The following MMD2 variants were observed in gnomAD, a reference collection of about 807,000 sequenced individuals.
MMD2 encodes monocyte to macrophage differentiation factor 2.
In MMD2, 30 loss-of-function variants were observed where a neutral mutation model predicts 33.5. The observed-to-expected ratio is 0.90, with a 90% CI of 0.67 to 1.22. MMD2 has a LOEUF of 1.22. Ranked by LOEUF, MMD2 falls within the 50% of genes most tolerant of loss-of-function variation. MMD2 has a pLI of 0.00. For missense variants in MMD2, 364 were observed against 325.4 expected, an observed-to-expected ratio of 1.12 and a Z score of -0.91; for synonymous variants, 129 against 123.0, an observed-to-expected ratio of 1.05 and a Z score of -0.32.
At chr7:4,901,513 G>T (rs2115075986), downstream of MMD2, among the ~76,000 whole-genome samples, 1 of 152,290 alleles carries the variant, frequency 6.6e-6, no homozygotes, top group East Asian at 1.9e-4. Context: ...AGCACTTGTG[G>T]ATCATAATCT....
the MMD2 span, among the ~76,000 whole-genome samples, chr7:4,898,479 T>C: frequency 6.6e-6 from 1 of 152,078 alleles, no homozygotes; most frequent in Admixed American, 6.6e-5. Context: ...AACAATGACA[T>C]AAGATGGGAT....
At chr7:4,957,809 G>A (rs1727841109) in intron 1 of MMD2, among the ~76,000 whole-genome samples, 1 of 152,290 alleles carries the variant, frequency 6.6e-6, no homozygotes, top group African/African-American at 2.4e-5. Context: ...GGGGGAAACA[G>A]AGGGTGAGAC....
intron 1 of MMD2, among the ~76,000 whole-genome samples, chr7:4,931,458 A>T (rs1785584650): frequency 1.4e-5 from 2 of 147,484 alleles, no homozygotes; most frequent in South Asian, 4.3e-4. Flanking sequence ...TGGCCTCTTT[A>T]CCTTTTTCTT....
At chr7:4,931,128 G>T (rs193016784) in intron 1 of MMD2, among the ~76,000 whole-genome samples, 6 of 152,290 alleles carry the variant, frequency 3.9e-5, no homozygotes, top group Non-Finnish European at 7.3e-5. Flanking sequence ...CGGGGTTACA[G>T]GCGTGAGCCA....
chr7:4,942,915 CCCA>C (rs1785950283), intron 1 of MMD2, among the ~76,000 whole-genome samples: 1 of 151,642 alleles, frequency 6.6e-6, no homozygotes, highest in East Asian at 1.9e-4. Flanking sequence ...CGCGCCAGGC[CCCA>C]TCCTGTCTAT....
At chr7:4,893,314 A>G in the MMD2 span, among the ~76,000 whole-genome samples, 1 of 152,056 alleles carries the variant, frequency 6.6e-6, no homozygotes, top group Non-Finnish European at 1.5e-5. Context: ...ACTACTCCAT[A>G]GGCAGAGCAT....
At chr7:4,944,258 G>A (rs566536539) in intron 1 of MMD2, among the ~76,000 whole-genome samples, 1 of 151,598 alleles carries the variant, frequency 6.6e-6, no homozygotes, top group Non-Finnish European at 1.5e-5. Context: ...CTGGGCAACA[G>A]AGCAAGAAAA....
chr7:4,957,305 A>C (rs944842316), intron 1 of MMD2, among the ~76,000 whole-genome samples: 1 of 151,850 alleles, frequency 6.6e-6, no homozygotes, highest in African/African-American at 2.4e-5. Context: ...TGATTGTGCC[A>C]CTGCACTCCA....
chr7:4,894,801 T>C, the MMD2 span, among the ~76,000 whole-genome samples: 1 of 152,092 alleles, frequency 6.6e-6, no homozygotes, highest in Non-Finnish European at 1.5e-5. This position sits in a 1 kb window ranked among gnomAD's most constrained non-coding sequence, Gnocchi z 4.3. Flanking sequence ...CCCTGCCCTC[T>C]AGGCACCCAG....
In MMD2 at chr7:4,948,173, T is replaced by C. The variant is rs10227720; in HGVS notation, c.47+10798A>G. Among the ~76,000 whole-genome samples, 489 of 152,156 alleles carry C rather than the reference T, an allele frequency of 3.2e-3. 2 individuals are homozygous for C. The highest frequency in any genetic ancestry group is 0.011 in the African/African-American group (457 of 41,516). ...TAGGAGATTGGGGCAGAGACACAGA[T>C]CCAAACCATATCAAACTCTATACAA... On this transcript the variant is annotated intron_variant, in intron 1 of 6. Coordinates refer to ENST00000401401, the MANE Select transcript of MMD2 (RefSeq NM_198403.4).
chr7:4,924,154 T>C (rs915242897), intron 2 of MMD2, among the ~76,000 whole-genome samples: 1 of 152,086 alleles, frequency 6.6e-6, no homozygotes, highest in Non-Finnish European at 1.5e-5. Context: ...ATCGCACCAC[T>C]GCACTCCAGC....
At position 4,906,323 on chromosome 7, in the gene MMD2, A is replaced by T. The variant is rs1279304357; in HGVS notation, c.*1073T>A. ...CAGCCTTGTTGTTGGGCTACTGAGC[A>T]CTTCAGAGGTTGGGAGGACCTGGAA... On this transcript the variant is annotated 3_prime_UTR_variant, in exon 7 of 7. Coordinates refer to ENST00000401401, the MANE Select transcript of MMD2 (RefSeq NM_198403.4). The T allele has an allele frequency of 2.5e-6, 1 of 394,764 alleles. No homozygotes were observed. Among genetic ancestry groups the T allele is most frequent in the African/African-American group, 2.1e-5 (1 of 48,560 alleles). The allele number at this position is 394,764 out of a possible 1,614,324, so 24.5% of individuals were successfully genotyped here.
At chr7:4,910,317 C>T (rs968730011) in intron 5 of MMD2, among the ~76,000 whole-genome samples, 5 of 152,158 alleles carry the variant, frequency 3.3e-5, no homozygotes, top group African/African-American at 1.2e-4. Flanking sequence ...CCCAAGCAGC[C>T]ACTTCCAATT....
chr7:4,934,527 G>T (rs1785684746), intron 1 of MMD2, among the ~76,000 whole-genome samples: 1 of 152,230 alleles, frequency 6.6e-6, no homozygotes. Context: ...GTTTCCAGCA[G>T]GCTGTGGCTG....
intron 1 of MMD2, among the ~76,000 whole-genome samples, chr7:4,933,463 C>G (rs561532178): frequency 5.5e-4 from 83 of 152,240 alleles, no homozygotes; most frequent in South Asian, 2.1e-3. Context: ...CTCGACTCTT[C>G]CATCCCTGTC....
rs1326055705 is a variant in MMD2, at chr7:4,937,842, C to T, written c.48-12310G>A. ...AAACATTTTTTTGTAGAGATGGGGT[C>T]TCACTATTGTTGCCCAGGCTGGTCT... On this transcript the variant is annotated intron_variant, in intron 1 of 6. Coordinates refer to ENST00000401401, the MANE Select transcript of MMD2 (RefSeq NM_198403.4). Among the ~76,000 whole-genome samples, 3 of 151,664 alleles carry T rather than the reference C, an allele frequency of 2.0e-5. No individual in the cohort carries two copies. In the East Asian group the frequency reaches 5.8e-4, roughly 29 times the overall value.
chr7:4,955,440 A>AC (rs1283707640), intron 1 of MMD2, among the ~76,000 whole-genome samples: 1 of 152,132 alleles, frequency 6.6e-6, no homozygotes, highest in Non-Finnish European at 1.5e-5. Flanking sequence ...AATTTGGAAT[A>AC]CCCATCTCTC....
At position 4,946,139 on chromosome 7, in the gene MMD2, A is replaced by G. The variant is rs1786076519; in HGVS notation, c.47+12832T>C. ...CACGCACGCACACACCTGCACACGC[A>G]CGCACACCCACACCCGCGCGCACAC... On this transcript the variant is annotated intron_variant, in intron 1 of 6. Coordinates refer to ENST00000401401, the MANE Select transcript of MMD2 (RefSeq NM_198403.4). The surrounding 1 kb of genome is among the most constrained non-coding windows in gnomAD (Gnocchi z 5.0). 6.6e-6 allele frequency among the ~76,000 whole-genome samples: 1 copy of G among 151,236 alleles called. No individual in the cohort carries two copies. The highest frequency in any genetic ancestry group is 1.5e-5 in the Non-Finnish European group (1 of 67,830).
intron 6 of MMD2, 67 bp from the exon 7 acceptor site, chr7:4,907,666 A>C: frequency 1.3e-6 from 2 of 1,540,154 alleles, no homozygotes; most frequent in Non-Finnish European, 1.8e-6. Context: ...AGCACCAGCC[A>C]GTCCCCACCA....
Sources: allele counts gnomAD v4.1 joint callset (sites outside exome capture counted in the v4.1 genomes callset), GRCh38; gene constraint gnomAD v4.1.1; non-coding constraint Gnocchi (gnomAD v3.1); transcripts MANE v1.5; gene names NCBI Gene and HGNC (gene_info 2026-07-23, HGNC 2026-07-21).